Variants in BNC2 observed in about 807,000 individuals in gnomAD.
BNC2 encodes zinc finger protein basonuclin-2.
Under a neutral mutation model 76.3 loss-of-function variants are expected in BNC2, and 20 were observed. The observed-to-expected ratio is 0.26, with a 90% confidence interval of 0.18 to 0.38. The LOEUF (loss-of-function observed/expected upper bound fraction) is 0.38, where lower values mean the gene tolerates loss of function less well. BNC2 is among the 10% of genes least tolerant of loss of function. The probability of loss-of-function intolerance (pLI) is 1.00; values close to 1 mark genes in which losing one functional copy is unlikely to be tolerated. For synonymous variants in BNC2, 582 were observed against 514.8 expected, an observed-to-expected ratio of 1.13 and a Z score of -1.77; for missense variants, 1,382 against 1,399.8, an observed-to-expected ratio of 0.99 and a Z score of 0.20.
At chr9:16,515,698 A>T (rs1201394001) in intron 5 of BNC2, among the ~76,000 whole-genome samples, 1 of 151,630 alleles carries the variant, frequency 6.6e-6, no homozygotes, top group East Asian at 1.9e-4. Context: ...TTCACTGCCC[A>T]GAGAAAAAGG....
At chr9:16,798,924 C>T (rs921614208) in intron 1 of BNC2, among the ~76,000 whole-genome samples, 1 of 151,990 alleles carries the variant, frequency 6.6e-6, no homozygotes, top group African/African-American at 2.4e-5. Context: ...ACCAGCAAAC[C>T]CCATGGGAAG....
At chr9:16,768,853 G>C (rs1825761168) in intron 1 of BNC2, among the ~76,000 whole-genome samples, 1 of 152,192 alleles carries the variant, frequency 6.6e-6, no homozygotes, top group African/African-American at 2.4e-5. Flanking sequence ...ATTAAATCAA[G>C]CGTTGAATTT....
chr9:16,654,028 T>A (rs1292408547), intron 3 of BNC2, among the ~76,000 whole-genome samples: 2 of 152,130 alleles, frequency 1.3e-5, no homozygotes, highest in African/African-American at 4.8e-5. Context: ...TGTCACTCAA[T>A]AAATCACACC....
At chr9:16,609,683 A>G (rs1820488565) in intron 3 of BNC2, among the ~76,000 whole-genome samples, 1 of 152,134 alleles carries the variant, frequency 6.6e-6, no homozygotes, top group Admixed American at 6.6e-5. Context: ...TATCTATGGG[A>G]CATATTTCTA....
rs541955695 is a variant in BNC2 at position 16,669,690 on chromosome 9, C to T, written c.330+58107G>A. Among the ~76,000 whole-genome samples, 8 of 152,294 alleles carry T rather than the reference C, an allele frequency of 5.3e-5. No homozygotes were observed. In the South Asian group the frequency reaches 1.5e-3, roughly 28 times the overall value. On this transcript the variant is annotated intron_variant, in intron 3 of 6. Transcript: ENST00000380672. Reference sequence around the variant, plus strand: ...GCAAGGTGTTCCTTCCATCTACCTGCACAAATAGAGAACTACTTCTTCTCT... The same window carrying T: ...GCAAGGTGTTCCTTCCATCTACCTGTACAAATAGAGAACTACTTCTTCTCT...
At chr9:16,843,044 A>G (rs779820712) in intron 1 of BNC2, among the ~76,000 whole-genome samples, 2 of 152,216 alleles carry the variant, frequency 1.3e-5, no homozygotes, top group Non-Finnish European at 2.9e-5. Context: ...AACAATATGA[A>G]TATATTTAAC....
At position 16,823,617 on chromosome 9, in the gene BNC2, G is replaced by C. The variant is rs544657264; in HGVS notation, c.3+47029C>G. Among the ~76,000 whole-genome samples, 13 of 149,534 alleles carry C rather than the reference G, an allele frequency of 8.7e-5. No homozygotes were observed. The South Asian group carries it at 2.6e-3, about 30-fold the overall frequency. On this transcript the variant is annotated intron_variant, in intron 1 of 6. Coordinates refer to ENST00000380672, the MANE Select transcript of BNC2 (RefSeq NM_017637.6). ...GATCCTGTTTCAAAAAAAAAAAAAAGAATTACAACTGAAATGTGTAACTTA... is the reference window on the plus strand; with the variant it reads ...GATCCTGTTTCAAAAAAAAAAAAAACAATTACAACTGAAATGTGTAACTTA...
At chr9:16,759,199 C>A (rs10962569) in intron 1 of BNC2, among the ~76,000 whole-genome samples, 1 of 152,052 alleles carries the variant, frequency 6.6e-6, no homozygotes, top group African/African-American at 2.4e-5. Context: ...TGATTTCATA[C>A]AAAAAATCGA....
intron 1 of BNC2, among the ~76,000 whole-genome samples, chr9:16,848,031 G>T (rs1416280005): frequency 6.6e-6 from 1 of 152,110 alleles, no homozygotes; most frequent in Non-Finnish European, 1.5e-5. Flanking sequence ...TGAAACCTAT[G>T]ATGCAGTAGC....
intron 3 of BNC2, among the ~76,000 whole-genome samples, chr9:16,619,794 C>A (rs745822477): frequency 2.0e-5 from 3 of 152,094 alleles, no homozygotes; most frequent in Non-Finnish European, 4.4e-5. Context: ...TCTAAGGGCA[C>A]TGTATAGATC....
chr9:16,446,637 A>G (rs1220108871), intron 5 of BNC2, among the ~76,000 whole-genome samples: 1 of 152,170 alleles, frequency 6.6e-6, no homozygotes, highest in African/African-American at 2.4e-5. Context: ...TGATTTTTAA[A>G]ATATTGCTTG....
intron 3 of BNC2, among the ~76,000 whole-genome samples, chr9:16,711,643 T>G (rs1316241799): frequency 6.6e-6 from 1 of 152,254 alleles, no homozygotes; most frequent in East Asian, 1.9e-4. Context: ...TAACTCATTT[T>G]GTTTTGTTTC....
At chr9:16,673,430 T>TAA (rs370952322) in intron 3 of BNC2, among the ~76,000 whole-genome samples, 21 of 146,334 alleles carry the variant, frequency 1.4e-4, no homozygotes, top group Non-Finnish European at 2.7e-4. Flanking sequence ...TTCTGAGATT[T>TAA]AAAAAAAAAA....
At chr9:16,865,327 T>A (rs1819518610) in intron 1 of BNC2, among the ~76,000 whole-genome samples, 1 of 152,276 alleles carries the variant, frequency 6.6e-6, no homozygotes, top group African/African-American at 2.4e-5. Context: ...ATGGAAGAAT[T>A]CCTGATACTC....
rs528798624 is a variant in BNC2, at chr9:16,414,612, C to T, written c.*4377G>A. On this transcript the variant is annotated 3_prime_UTR_variant, in exon 7 of 7. Coordinates refer to ENST00000380672, the MANE Select transcript of BNC2 (RefSeq NM_017637.6). ...TGTTTCTTGATGATAGCAGATGTAG[C>T]GTGTCTTATGACAGGTGAATTTTAT... is the stretch of plus-strand genomic sequence containing the variant. 1.3e-5 allele frequency: 2 copies of T among 152,302 alleles called. No homozygotes were observed. The highest frequency in any genetic ancestry group is 3.9e-4 in the East Asian group (2 of 5,182). The allele number at this position is 152,302 out of a possible 1,614,324, so 9.4% of individuals were successfully genotyped here.
intron 1 of BNC2, among the ~76,000 whole-genome samples, chr9:16,818,145 C>T (rs1818227666): frequency 6.6e-6 from 1 of 152,190 alleles, no homozygotes; most frequent in Admixed American, 6.5e-5. Flanking sequence ...TGGCTCACGC[C>T]TGTAATCCCA....
intron 3 of BNC2, among the ~76,000 whole-genome samples, chr9:16,614,447 G>C (rs1033909167): frequency 8.1e-6 from 1 of 123,292 alleles, no homozygotes; most frequent in Admixed American, 9.8e-5. Flanking sequence ...AAAACCACTT[G>C]GAAAAACCTT....
intron 4 of BNC2, among the ~76,000 whole-genome samples, chr9:16,554,767 T>G (rs1408931309): frequency 6.6e-6 from 1 of 152,298 alleles, no homozygotes; most frequent in East Asian, 1.9e-4. Context: ...TCCATTTCCC[T>G]TCATCAGCTC....
In BNC2 at chr9:16,865,895, G is replaced by C. The variant is rs1052888762; in HGVS notation, c.3+4751C>G. Among the ~76,000 whole-genome samples, 11 of 152,116 alleles carry C rather than the reference G, an allele frequency of 7.2e-5. No homozygotes were observed. In the East Asian group the frequency reaches 1.5e-3, roughly 21 times the overall value. On this transcript the variant is annotated intron_variant, in intron 1 of 6. Coordinates refer to ENST00000380672, the MANE Select transcript of BNC2 (RefSeq NM_017637.6). ...TATTTCAAAACAAGGGAGGCTCTTTGAACAGCCAAATTAAATTATAGCTGA... is the reference window on the plus strand; with the variant it reads ...TATTTCAAAACAAGGGAGGCTCTTTCAACAGCCAAATTAAATTATAGCTGA...
Sources: gnomAD v4.1 joint callset for allele counts (sites outside exome capture counted in the v4.1 genomes callset) on GRCh38, gnomAD v4.1.1 for gene constraint, MANE v1.5 for transcripts, NCBI Gene and HGNC (gene_info 2026-07-23, HGNC 2026-07-21) for gene names.